Variants in ANKH observed in about 807,000 individuals in gnomAD.
The protein encoded by ANKH is mineralization regulator ANKH.
A neutral mutation model predicts 49.0 loss-of-function variants in ANKH; 15 were observed. That is an observed-to-expected ratio of 0.31 (90% CI 0.20 to 0.47). The LOEUF (loss-of-function observed/expected upper bound fraction) is 0.47, where lower values mean the gene tolerates loss of function less well. Among genes scored for constraint, ANKH ranks in the 20% least tolerant of loss-of-function variants. ANKH has a pLI of 1.00. For synonymous variants in ANKH, 273 were observed against 260.0 expected (o/e 1.05, Z -0.48); for missense variants, 429 against 652.0 (o/e 0.66, Z 3.72).
At position 14,848,255 on chromosome 5, in the gene ANKH, C is replaced by T. The variant is rs140986527; in HGVS notation, c.96+23097G>A. ...GTAACTCAGCTCACACCCAACCAAT[C>T]AGGTAGTGAAGAGAGTAGTGAAGAG... is the stretch of plus-strand genomic sequence containing the variant. On this transcript the variant is annotated intron_variant, in intron 1 of 11. Transcript: ENST00000284268. Among the ~76,000 whole-genome samples the T allele has an allele frequency of 5.3e-5, 8 of 152,310 alleles. No individual in the cohort carries two copies. In the East Asian group the frequency reaches 1.5e-3, roughly 29 times the overall value.
chr5:14,715,901 C>T lies in ANKH; in HGVS notation c.1141+805G>A, dbSNP rs76769069. 4.4e-3 allele frequency among the ~76,000 whole-genome samples: 673 copies of T among 152,358 alleles called. 6 individuals carry two copies. The highest frequency in any genetic ancestry group is 0.014 in the African/African-American group (587 of 41,584). ...CAGCCATGGGCAGTTTCTTTTCTGA[C>T]CATCCATCTGGCCTCAGGTTCCCCT... On this transcript the variant is annotated intron_variant, in intron 9 of 11. Coordinates refer to ENST00000284268, the MANE Select transcript of ANKH (RefSeq NM_054027.6).
At chr5:14,847,915 G>A (rs1742010835) in intron 1 of ANKH, among the ~76,000 whole-genome samples, 1 of 152,190 alleles carries the variant, frequency 6.6e-6, no homozygotes, top group South Asian at 2.1e-4. Context: ...AGCTGAGGTG[G>A]GCGGATAACT....
chr5:14,771,921 G>GAAAAAAA (rs869185652), intron 1 of ANKH, among the ~76,000 whole-genome samples: 1 of 53,390 alleles, frequency 1.9e-5, no homozygotes, highest in Non-Finnish European at 3.8e-5. Context: ...CTCAAAAAAA[G>GAAAAAAA]AAAAAAAAAA....
intron 8 of ANKH, among the ~76,000 whole-genome samples, chr5:14,718,839 C>CCA (rs1491520738): frequency 4.5e-5 from 6 of 133,820 alleles, no homozygotes; most frequent in African/African-American, 1.4e-4. Flanking sequence ...ACCCCCCCCC[C>CCA]AAAAAAAAAA....
At chr5:14,720,485 G>C (rs931912371) in intron 8 of ANKH, among the ~76,000 whole-genome samples, 1 of 152,154 alleles carries the variant, frequency 6.6e-6, no homozygotes, top group African/African-American at 2.4e-5. Context: ...ACTCAGCATG[G>C]AGTTGGAACA....
intron 1 of ANKH, among the ~76,000 whole-genome samples, chr5:14,843,047 C>A (rs1333037089): frequency 2.0e-5 from 3 of 152,092 alleles, no homozygotes; most frequent in Non-Finnish European, 2.9e-5. Context: ...TGGCTAGATG[C>A]CCAGGAGTGA....
intron 2 of ANKH, among the ~76,000 whole-genome samples, chr5:14,764,988 T>A (rs1739213835): frequency 6.6e-6 from 1 of 152,202 alleles, no homozygotes; most frequent in South Asian, 2.1e-4. Flanking sequence ...GGTTAGGCAA[T>A]ACTAATTTCC....
chr5:14,815,043 T>C (rs1427159380), intron 1 of ANKH, among the ~76,000 whole-genome samples: 4 of 152,200 alleles, frequency 2.6e-5, no homozygotes, highest in East Asian at 1.9e-4. Flanking sequence ...CCCACCAGCA[T>C]TGTGTCTCTG....
intron 2 of ANKH, among the ~76,000 whole-genome samples, chr5:14,761,749 T>C (rs1215604776): frequency 7.4e-6 from 1 of 134,830 alleles, no homozygotes; most frequent in Non-Finnish European, 1.6e-5. Context: ...AGACCATTCC[T>C]TGTCCCCTTT....
At chr5:14,858,537 G>A (rs932527729) in intron 1 of ANKH, among the ~76,000 whole-genome samples, 5 of 152,182 alleles carry the variant, frequency 3.3e-5, no homozygotes, top group East Asian at 1.9e-4. Flanking sequence ...CCAGCATGGC[G>A]AAACCCCGTC....
At position 14,709,393 on chromosome 5, in the gene ANKH, T is replaced by TGAA. The variant is rs1233244196; in HGVS notation, c.*1803_*1804insTTC. ...TAATTTTTCAGTACTCATATATGTA[T>TGAA]TAATGGAGGAAAAGCCACTCTGAGG... On this transcript the variant is annotated 3_prime_UTR_variant, in exon 12 of 12. Coordinates refer to ENST00000284268, the MANE Select transcript of ANKH (RefSeq NM_054027.6). 1 of 152,210 alleles carries TGAA rather than the reference T, an allele frequency of 6.6e-6. No individual in the cohort carries two copies. 9.4% of individuals were successfully genotyped at this position (152,210 alleles called of 1,614,324 possible).
Position 14,713,702 on chromosome 5 carries a change from C to T in ANKH, c.1142-35G>A, listed in dbSNP as rs1281534761. 2.5e-6 allele frequency: 4 copies of T among 1,612,294 alleles called. No homozygotes were observed. The African/African-American group carries it at 4.0e-5, about 16-fold the overall frequency. On this transcript the variant is annotated intron_variant, in intron 9 of 11. Coordinates refer to ENST00000284268, the MANE Select transcript of ANKH (RefSeq NM_054027.6). The surrounding 1 kb of genome is among the most constrained non-coding windows in gnomAD (Gnocchi z 4.4). ...GGAGCAAAGGACTCGTCAGCCGTGC[C>T]CGCCATCCACTCCCCATCCTGCTGC...
intron 1 of ANKH, among the ~76,000 whole-genome samples, chr5:14,793,057 TAAAATATATATAA>T (rs1740247851): frequency 1.8e-5 from 1 of 54,678 alleles, no homozygotes; most frequent in African/African-American, 6.8e-5. Flanking sequence ...TAAATATATA[TAAAATATATATAA>T]ATATATAAAA....
At chr5:14,749,671 C>T (rs1738651350) in intron 5 of ANKH, among the ~76,000 whole-genome samples, 1 of 152,248 alleles carries the variant, frequency 6.6e-6, no homozygotes, top group African/African-American at 2.4e-5. Context: ...ATCAAATGGA[C>T]TGGCTGGAAG....
intron 1 of ANKH, among the ~76,000 whole-genome samples, chr5:14,790,437 C>A (rs1420470366): frequency 6.6e-6 from 1 of 152,158 alleles, no homozygotes; most frequent in South Asian, 2.1e-4. Flanking sequence ...CTATGCAAAC[C>A]ACAAAAAGAT....
At chr5:14,845,357 TATATATATA>T (rs1304518836) in intron 1 of ANKH, among the ~76,000 whole-genome samples, 1 of 45,912 alleles carries the variant, frequency 2.2e-5, no homozygotes, top group Non-Finnish European at 7.7e-5. Context: ...TGTATATATA[TATATATATA>T]TTTTTTTTTT....
At chr5:14,797,584 T>G in intron 1 of ANKH, 2 of 1,610,198 alleles carry the variant, frequency 1.2e-6, no homozygotes, top group South Asian at 2.2e-5. Context: ...ACTTCAGCAG[T>G]GTGAGTGTCA....
In ANKH at chr5:14,711,278, C is replaced by A; in HGVS notation, c.1398G>T (p.Glu466Asp). The change falls in exon 12 of 12, where the codon GAG becomes GAT. Residue 466 changes from glutamate to aspartate, a missense_variant. This residue lies in a region of ANKH where 51 missense variants were observed against 36.7 expected (regional missense o/e 1.39). Transcript: ENST00000284268. ...TGTCTGTCATGGCAGAGTCTTCCCC[C>A]TCCGTGGCCGACTCATTCTCCATCT... is the stretch of plus-strand genomic sequence containing the variant. Reference protein sequence around the residue: ...KKKMENESATEGEDSAMTDMP... With the variant: ...KKKMENESATDGEDSAMTDMP... The A allele has an allele frequency of 6.2e-7, 1 of 1,614,158 alleles. No individual in the cohort carries two copies. Among genetic ancestry groups the A allele is most frequent in the Non-Finnish European group, 8.5e-7 (1 of 1,180,026 alleles).
chr5:14,761,339 G>C (rs1252548755), intron 2 of ANKH, among the ~76,000 whole-genome samples: 1 of 152,208 alleles, frequency 6.6e-6, no homozygotes, highest in Non-Finnish European at 1.5e-5. Flanking sequence ...TTCTGAGAGA[G>C]GGAGACAGGC....
Sources: allele counts gnomAD v4.1 joint callset (sites outside exome capture counted in the v4.1 genomes callset), GRCh38; gene constraint gnomAD v4.1.1; regional missense constraint gnomAD v4.1.1; non-coding constraint Gnocchi (gnomAD v3.1); transcripts MANE v1.5; gene names NCBI Gene and HGNC (gene_info 2026-07-23, HGNC 2026-07-21).